The following OPA1 variants were observed in gnomAD, a reference collection of about 807,000 sequenced individuals.
OPA1 encodes the protein dynamin-like GTPase OPA1, mitochondrial.
A neutral mutation model predicts 152.9 loss-of-function variants in OPA1; 59 were observed. That is an observed-to-expected ratio of 0.39 (90% CI 0.31 to 0.48). The LOEUF (loss-of-function observed/expected upper bound fraction) is 0.48, where lower values mean the gene tolerates loss of function less well. Among genes scored for constraint, OPA1 ranks in the 20% least tolerant of loss-of-function variants. The pLI is 0.96. For synonymous variants in OPA1, 400 were observed against 389.9 expected, an observed-to-expected ratio of 1.03 and a Z score of -0.31; for missense variants, 1,008 against 1,216.8, an observed-to-expected ratio of 0.83 and a Z score of 2.55.
chr3:193,670,834 C>T (rs1717765084), intron 29 of OPA1, among the ~76,000 whole-genome samples: 1 of 152,108 alleles, frequency 6.6e-6, no homozygotes. Flanking sequence ...AGAGGCTCTT[C>T]CAGGATTCTT....
intron 29 of OPA1, among the ~76,000 whole-genome samples, chr3:193,677,291 C>CT (rs752472474): frequency 0.052 from 6,490 of 125,418 alleles, 324 homozygotes; most frequent in African/African-American, 0.11. Flanking sequence ...TCTTTTACTT[C>CT]TTTTTTTTTT....
chr3:193,612,268 CTTTTTTT>C (rs34283831), intron 1 of OPA1, among the ~76,000 whole-genome samples: 41 of 116,340 alleles, frequency 3.5e-4, no homozygotes, highest in African/African-American at 1.2e-3. Context: ...GTCTAACTTC[CTTTTTTT>C]TTTTTTTTTT....
At chr3:193,690,436 G>A (rs984841255) in intron 29 of OPA1, among the ~76,000 whole-genome samples, 1 of 151,622 alleles carries the variant, frequency 6.6e-6, no homozygotes, top group Non-Finnish European at 1.5e-5. Flanking sequence ...TGAGGCAGCA[G>A]GATCAATTGA....
intron 29 of OPA1, among the ~76,000 whole-genome samples, chr3:193,686,154 A>G (rs1444316629): frequency 2.0e-5 from 3 of 152,224 alleles, no homozygotes; most frequent in Admixed American, 6.5e-5. Flanking sequence ...TAGAAATACA[A>G]CCACCAGTTA....
At chr3:193,661,629 T>C (rs1274984239) in intron 25 of OPA1, among the ~76,000 whole-genome samples, 1 of 152,244 alleles carries the variant, frequency 6.6e-6, no homozygotes, top group Non-Finnish European at 1.5e-5. Flanking sequence ...TGTGTTTCTT[T>C]TGTTTTCTAG....
chr3:193,656,262 T>C (rs1037638269), intron 22 of OPA1, among the ~76,000 whole-genome samples: 6 of 152,144 alleles, frequency 3.9e-5, no homozygotes, highest in Admixed American at 1.3e-4. Flanking sequence ...CTAGGTGTCA[T>C]GGAAAGAATG....
chr3:193,603,226 C>T (rs1300822498), intron 1 of OPA1, among the ~76,000 whole-genome samples: 1 of 152,170 alleles, frequency 6.6e-6, no homozygotes, highest in East Asian at 1.9e-4. Context: ...CCGTCCGGGC[C>T]CTTTGTGAGT....
chr3:193,647,673 A>G (rs1296672504), intron 19 of OPA1, among the ~76,000 whole-genome samples: 1 of 152,162 alleles, frequency 6.6e-6, no homozygotes, highest in African/African-American at 2.4e-5. Context: ...ATCTTGTATT[A>G]CTTTCATTTC....
chr3:193,655,499 C>A (rs1169568795), intron 22 of OPA1, among the ~76,000 whole-genome samples: 1 of 151,960 alleles, frequency 6.6e-6, no homozygotes, highest in African/African-American at 2.4e-5. Flanking sequence ...CAAAACAAAA[C>A]AAAACAAAAA....
chr3:193,606,261 C>A (rs1191902082), intron 1 of OPA1, among the ~76,000 whole-genome samples: 1 of 151,906 alleles, frequency 6.6e-6, no homozygotes, highest in Non-Finnish European at 1.5e-5. Flanking sequence ...CAAAGTGTGA[C>A]TTAAAAAAAT....
chr3:193,599,541 A>G (rs554626473), intron 1 of OPA1, among the ~76,000 whole-genome samples: 3 of 152,154 alleles, frequency 2.0e-5, no homozygotes, highest in African/African-American at 7.2e-5. Context: ...AGGAAGTGGC[A>G]GGGAGTCCAA....
chr3:193,690,560 G>GT (rs1244284628), intron 29 of OPA1, among the ~76,000 whole-genome samples: 3 of 151,932 alleles, frequency 2.0e-5, no homozygotes, highest in African/African-American at 7.2e-5. Flanking sequence ...AAAATGTTAC[G>GT]TTCTTTATAT....
chr3:193,627,926 C>A lies in OPA1; in HGVS notation c.789+1724C>A, dbSNP rs554399393. Among the ~76,000 whole-genome samples, 485 of 152,188 alleles carry A rather than the reference C, an allele frequency of 3.2e-3. 4 individuals are homozygous for A. The highest frequency in any genetic ancestry group is 4.8e-3 in the South Asian group (23 of 4,820). ...GAGCACCAAACATGGCTTGTTTCTG[C>A]CCACACTGTAGTTACCTTGAGGGGA... On this transcript the variant is annotated intron_variant, in intron 7 of 30. Transcript: ENST00000361510.
chr3:193,624,622 GATTT>G (rs941410163), intron 6 of OPA1, among the ~76,000 whole-genome samples: 1 of 152,026 alleles, frequency 6.6e-6, no homozygotes, highest in African/African-American at 2.4e-5. Context: ...TCATAAAACT[GATTT>G]ATTTAAAGAC....
intron 16 of OPA1, 59 bp downstream of exon 16, chr3:193,644,164 G>A: frequency 1.3e-6 from 2 of 1,587,362 alleles, no homozygotes; most frequent in Non-Finnish European, 1.7e-6. Flanking sequence ...AGCTGTGATA[G>A]GGATTTGTTA....
At chr3:193,689,928 A>C (rs565133180) in intron 29 of OPA1, among the ~76,000 whole-genome samples, 19 of 152,218 alleles carry the variant, frequency 1.2e-4, no homozygotes, top group African/African-American at 4.3e-4. Flanking sequence ...CTAGGTAACA[A>C]TTTAGAAAAT....
chr3:193,609,089 A>G (rs1046767251), intron 1 of OPA1, among the ~76,000 whole-genome samples: 13 of 151,994 alleles, frequency 8.6e-5, no homozygotes, highest in African/African-American at 2.7e-4. Flanking sequence ...TTTTGAGCCT[A>G]TGTGTGACTC....
At chr3:193,614,205 G>A (rs1728682543) in intron 1 of OPA1, among the ~76,000 whole-genome samples, 1 of 152,304 alleles carries the variant, frequency 6.6e-6, no homozygotes, top group Non-Finnish European at 1.5e-5. Context: ...TGTCAGGATC[G>A]GGAGACATAG....
At chr3:193,638,320 T>C (rs1042890681) in intron 11 of OPA1, among the ~76,000 whole-genome samples, 5 of 152,062 alleles carry the variant, frequency 3.3e-5, no homozygotes, top group African/African-American at 1.2e-4. Context: ...CTGAATAAGA[T>C]AAGAGAGAAG....
Sources: allele counts gnomAD v4.1 joint callset (sites outside exome capture counted in the v4.1 genomes callset), GRCh38; gene constraint gnomAD v4.1.1; transcripts MANE v1.5; gene names NCBI Gene and HGNC (gene_info 2026-07-23, HGNC 2026-07-21).